NRXN3: variants seen among roughly 807,000 people sequenced by gnomAD.
NRXN3 encodes neurexin III.
In NRXN3, 32 loss-of-function variants were observed where a neutral mutation model predicts 137.6. The ratio of observed to expected loss-of-function variants is 0.23; its 90% confidence interval spans 0.18 to 0.31. The LOEUF is 0.31. Among genes scored for constraint, NRXN3 ranks in the 10% least tolerant of loss-of-function variants. The pLI, the probability that NRXN3 is intolerant of heterozygous loss-of-function variation, is 1.00. For synonymous variants in NRXN3, 798 were observed against 784.5 expected, an observed-to-expected ratio of 1.02 and a Z score of -0.29; for missense variants, 1,574 against 2,062.5, an observed-to-expected ratio of 0.76 and a Z score of 4.59.
intron 16 of NRXN3, among the ~76,000 whole-genome samples, chr14:79,605,885 G>A (rs2098006761): frequency 6.6e-6 from 1 of 152,156 alleles, no homozygotes; most frequent in African/African-American, 2.4e-5. Context: ...GGAGACAAAT[G>A]GCCTTTTGTT....
chr14:78,279,221 A>G (rs2074055677), intron 3 of NRXN3, among the ~76,000 whole-genome samples: 1 of 152,250 alleles, frequency 6.6e-6, no homozygotes, highest in Admixed American at 6.5e-5. Context: ...GTTTGAATAA[A>G]TGGTTTTTGT....
At chr14:78,354,536 C>G (rs1170704163) in intron 4 of NRXN3, among the ~76,000 whole-genome samples, 2 of 152,164 alleles carry the variant, frequency 1.3e-5, no homozygotes, top group African/African-American at 2.4e-5. Context: ...GCTTAGTACT[C>G]AGTCCTAAGA....
chr14:78,609,246 T>C (rs150172848), intron 4 of NRXN3, among the ~76,000 whole-genome samples: 1,667 of 151,440 alleles, frequency 0.011, 13 homozygotes, highest in South Asian at 0.028. Context: ...AGGAAGTAGT[T>C]AAGGGCAGGG....
intron 10 of NRXN3, among the ~76,000 whole-genome samples, chr14:78,952,580 T>C (rs1285566607): frequency 1.3e-5 from 2 of 152,200 alleles, no homozygotes; most frequent in African/African-American, 4.8e-5. Context: ...GTAAGTTTTC[T>C]TTTTTGACAT....
chr14:78,963,112 C>T (rs887184705), intron 11 of NRXN3, among the ~76,000 whole-genome samples: 1 of 152,026 alleles, frequency 6.6e-6, no homozygotes. Context: ...CTATTAACTT[C>T]ACTTCTTGTA....
chr14:79,796,787 T>C (rs911418038), intron 19 of NRXN3, among the ~76,000 whole-genome samples: 1 of 152,206 alleles, frequency 6.6e-6, no homozygotes, highest in Admixed American at 6.5e-5. Context: ...ATGCTGGCTA[T>C]TGAGGATGGG....
intron 8 of NRXN3, among the ~76,000 whole-genome samples, chr14:78,730,396 C>T (rs1268219359): frequency 6.6e-6 from 1 of 152,076 alleles, no homozygotes. Flanking sequence ...CTTTATCCCC[C>T]CTATTCTTCA....
At chr14:79,063,932 C>G (rs2099677417) in intron 15 of NRXN3, among the ~76,000 whole-genome samples, 1 of 151,838 alleles carries the variant, frequency 6.6e-6, no homozygotes. Context: ...TTATCTTAGC[C>G]AATATATTAT....
intron 4 of NRXN3, among the ~76,000 whole-genome samples, chr14:78,450,930 T>A (rs529238608): frequency 2.4e-4 from 37 of 152,214 alleles, no homozygotes; most frequent in Non-Finnish European, 4.0e-4. Context: ...TGTGTGTGTG[T>A]GAGTGTGAAT....
At chr14:79,335,039 C>T (rs1374631333) in intron 15 of NRXN3, among the ~76,000 whole-genome samples, 1 of 152,120 alleles carries the variant, frequency 6.6e-6, no homozygotes, top group Non-Finnish European at 1.5e-5. Context: ...TACCCAGCCT[C>T]CATGTTGCCT....
chr14:79,280,702 A>G (rs1420521864), intron 15 of NRXN3, among the ~76,000 whole-genome samples: 1 of 152,198 alleles, frequency 6.6e-6, no homozygotes, highest in Non-Finnish European at 1.5e-5. Context: ...ACTTTCTCAT[A>G]AAGGTTAGTG....
intron 4 of NRXN3, among the ~76,000 whole-genome samples, chr14:78,531,316 A>G (rs544096962): frequency 6.7e-4 from 102 of 152,278 alleles, no homozygotes; most frequent in Middle Eastern, 3.4e-3. Flanking sequence ...TTTTCTTCCT[A>G]CACTTACTTC....
intron 8 of NRXN3, among the ~76,000 whole-genome samples, chr14:78,773,632 T>C (rs561103018): frequency 1.3e-5 from 2 of 152,258 alleles, no homozygotes; most frequent in East Asian, 3.9e-4. Context: ...CGTTCAATAG[T>C]CTTTTCCAGC....
chr14:78,616,559 G>A (rs1250660675), intron 4 of NRXN3, among the ~76,000 whole-genome samples: 1 of 152,110 alleles, frequency 6.6e-6, no homozygotes, highest in South Asian at 2.1e-4. Flanking sequence ...TTTGAGGGCC[G>A]TCTCCCTCAC....
chr14:79,021,455 A>G (rs1477402196), intron 15 of NRXN3, among the ~76,000 whole-genome samples: 1 of 152,206 alleles, frequency 6.6e-6, no homozygotes, highest in Non-Finnish European at 1.5e-5. Context: ...ATTTCATTTT[A>G]CTTCTTTTGA....
chr14:78,427,090 G>A (rs1056471901), intron 4 of NRXN3, among the ~76,000 whole-genome samples: 8 of 152,130 alleles, frequency 5.3e-5, no homozygotes, highest in African/African-American at 1.9e-4. Flanking sequence ...GGGTCAAGGG[G>A]AAGGTAAGGG....
At chr14:79,726,796 T>G (rs2098892432) in intron 19 of NRXN3, among the ~76,000 whole-genome samples, 1 of 152,240 alleles carries the variant, frequency 6.6e-6, no homozygotes, top group Admixed American at 6.5e-5. Context: ...TAAACTACAT[T>G]TTTGTTGTTC....
At chr14:78,635,338 G>A (rs1461536893) in intron 4 of NRXN3, among the ~76,000 whole-genome samples, 1 of 152,116 alleles carries the variant, frequency 6.6e-6, no homozygotes, top group Non-Finnish European at 1.5e-5. Flanking sequence ...CTAAATATCT[G>A]TATGAGTTTT....
intron 15 of NRXN3, among the ~76,000 whole-genome samples, chr14:79,004,417 G>A (rs2099548013): frequency 6.6e-6 from 1 of 152,094 alleles, no homozygotes; most frequent in African/African-American, 2.4e-5. Flanking sequence ...AGCTACTTTG[G>A]CATTTTTGGT....
Sources: gnomAD v4.1 joint callset for allele counts (sites outside exome capture counted in the v4.1 genomes callset) on GRCh38, gnomAD v4.1.1 for gene constraint, MANE v1.5 for transcripts, NCBI Gene and HGNC (gene_info 2026-07-23, HGNC 2026-07-21) for gene names.